Variants in ZNF141 observed in about 807,000 individuals in gnomAD.
ZNF141 encodes the protein zinc finger protein 141, also known as zinc finger protein 141 (clone pHZ-44).
A neutral mutation model predicts 11.3 loss-of-function variants in ZNF141; 7 were observed. The observed-to-expected ratio is 0.62, with a 90% CI of 0.35 to 1.16. ZNF141 has a LOEUF of 1.16. ZNF141 is among the 50% of genes most tolerant of loss of function. The pLI is 0.02. For missense variants in ZNF141, 535 were observed against 554.0 expected (o/e 0.97, Z 0.34); for synonymous variants, 183 against 190.7 (o/e 0.96, Z 0.33).
At position 377,847 on chromosome 4, in the gene ZNF141, T is replaced by G. The variant is rs1712442980; in HGVS notation, c.*3985T>G. 6.6e-6 allele frequency among the ~76,000 whole-genome samples: 1 copy of G among 152,194 alleles called. No individual in the cohort carries two copies. The highest frequency in any genetic ancestry group is 2.4e-5 in the African/African-American group (1 of 41,432). On this transcript the variant is annotated 3_prime_UTR_variant, in exon 4 of 4. Coordinates refer to ENST00000240499, the MANE Select transcript of ZNF141 (RefSeq NM_003441.4). ...GAAGAAACATCAGAATTTTGAAATT[T>G]CTTAAGAGGAAATATATCTTAGAAA...
rs1387954190 is a variant in ZNF141, at chr4:377,469, G to A, written c.*3607G>A. ...TTTTCTTATTTTCTAATTATCTTCAGTTTTGTGATATCTTTATGATTTATC... is the reference window on the plus strand; with the variant it reads ...TTTTCTTATTTTCTAATTATCTTCAATTTTGTGATATCTTTATGATTTATC... On this transcript the variant is annotated 3_prime_UTR_variant, in exon 4 of 4. Coordinates refer to ENST00000240499, the MANE Select transcript of ZNF141 (RefSeq NM_003441.4). 1.3e-5 allele frequency among the ~76,000 whole-genome samples: 2 copies of A among 152,160 alleles called. No individual in the cohort carries two copies. Among genetic ancestry groups the A allele is most frequent in the African/African-American group, 4.8e-5 (2 of 41,424 alleles).
At position 358,950 on chromosome 4, in the gene ZNF141, T is replaced by C. The variant is rs1721983657; in HGVS notation, c.227-13714T>C. 2.0e-5 allele frequency among the ~76,000 whole-genome samples: 3 copies of C among 152,230 alleles called. No homozygotes were observed. In the South Asian group the frequency reaches 6.2e-4, roughly 32 times the overall value. On this transcript the variant is annotated intron_variant, in intron 3 of 3. Coordinates refer to ENST00000240499, the MANE Select transcript of ZNF141 (RefSeq NM_003441.4). Reference sequence around the variant, plus strand: ...TCTAGATCTGTGTTTTATTGTTAGTTGTTCCTGGAGCATTTTTAGTTTCTT... The same window carrying C: ...TCTAGATCTGTGTTTTATTGTTAGTCGTTCCTGGAGCATTTTTAGTTTCTT...
At chr4:361,529 C>T (rs773376929) in intron 3 of ZNF141, among the ~76,000 whole-genome samples, 3 of 152,012 alleles carry the variant, frequency 2.0e-5, no homozygotes, top group Non-Finnish European at 4.4e-5. Context: ...TCCCTCTCCC[C>T]GCCCAACCCC....
In ZNF141 at chr4:344,435, G is replaced by A; in HGVS notation, c.226+5G>A. ...AGATCGTAGCCAGACCCCCAGGTAG[G>A]TGAGAGTGAATGGAGGAGAGGGCAC... is the stretch of plus-strand genomic sequence containing the variant. On this transcript the variant is annotated splice_donor_5th_base_variant and intron_variant, in intron 3 of 3. Transcript: ENST00000240499. The A allele has an allele frequency of 6.2e-7, 1 of 1,603,440 alleles. No individual in the cohort carries two copies. The highest frequency in any genetic ancestry group is 2.2e-5 in the East Asian group (1 of 44,516).
rs59182798 is a variant in ZNF141 at position 365,199 on chromosome 4, T to G, written c.227-7465T>G. On this transcript the variant is annotated intron_variant, in intron 3 of 3. Transcript: ENST00000240499. ...TAAGACCATTGGAAAAACACAGTAT[T>G]TGGGCAGGAGATCCCGATTTTCCAG... is the stretch of plus-strand genomic sequence containing the variant. Among the ~76,000 whole-genome samples, 1,196 of 152,284 alleles carry G rather than the reference T, an allele frequency of 7.9e-3. 18 individuals are homozygous for G. Among genetic ancestry groups the G allele is most frequent in the African/African-American group, 0.027 (1,139 of 41,570 alleles).
In ZNF141 at chr4:343,767, T is replaced by C. The variant is rs1553848929; in HGVS notation, c.4-15T>C. ...AAAAAAAGAACTATGTCCCTTGATA[T>C]ATTTGTATTTTCAGGAACTCTTAAC... On this transcript the variant is annotated splice_polypyrimidine_tract_variant and intron_variant, in intron 1 of 3. Transcript: ENST00000240499. The C allele has an allele frequency of 2.0e-6, 3 of 1,525,868 alleles. No individual in the cohort carries two copies. Among genetic ancestry groups the C allele is most frequent in the South Asian group, 1.2e-5 (1 of 81,600 alleles). The allele number at this position is 1,525,868 out of a possible 1,614,324, so 94.5% of individuals were successfully genotyped here. A position where few individuals can be genotyped will look rare whatever the true frequency, so the allele number is the denominator to read the frequency against.
In ZNF141 at chr4:378,558, G is replaced by A. The variant is rs886927962; in HGVS notation, c.*4696G>A. 9.2e-5 allele frequency among the ~76,000 whole-genome samples: 14 copies of A among 152,060 alleles called. No individual in the cohort carries two copies. The highest frequency in any genetic ancestry group is 1.9e-4 in the African/African-American group (8 of 41,414). On this transcript the variant is annotated 3_prime_UTR_variant, in exon 4 of 4. Coordinates refer to ENST00000240499, the MANE Select transcript of ZNF141 (RefSeq NM_003441.4). ...ACTGGGATTACAGGCATGAGCCACC[G>A]TGCCTGGCCAGAATATTATATCTTT... is the stretch of plus-strand genomic sequence containing the variant.
rs1553853815 is a variant in ZNF141 at position 372,926 on chromosome 4, T to G, written c.489T>G (p.Arg163=). The G allele has an allele frequency of 6.2e-7, 1 of 1,614,046 alleles. No homozygotes were observed. Among genetic ancestry groups the G allele is most frequent in the East Asian group, 2.2e-5 (1 of 44,858 alleles). Residue 163 remains arginine, a synonymous_variant, in exon 4 of 4, where the codon CGT becomes CGG. Coordinates refer to ENST00000240499, the MANE Select transcript of ZNF141 (RefSeq NM_003441.4). Reference sequence around the variant, plus strand: ...GTAAATTTTCAAATTCAAACAAACGTAAGACAAGACATACTGGAGAGAAAC... The same window carrying G: ...GTAAATTTTCAAATTCAAACAAACGGAAGACAAGACATACTGGAGAGAAAC... ...VVSKFSNSNK[R]KTRHTGEKHF...
chr4:356,538 TC>T (rs1220424882), intron 3 of ZNF141, among the ~76,000 whole-genome samples: 1 of 151,864 alleles, frequency 6.6e-6, no homozygotes, highest in Non-Finnish European at 1.5e-5. Flanking sequence ...TGTTTCAATC[TC>T]TTGACCTCGT....
chr4:338,286 G>A (rs1357663351), intron 1 of ZNF141: 2 of 381,622 alleles, frequency 5.2e-6, no homozygotes, highest in Non-Finnish European at 4.9e-6. Flanking sequence ...GGCGTGGGAG[G>A]AGCTGTGGGA....
intron 3 of ZNF141, among the ~76,000 whole-genome samples, chr4:346,602 T>G (rs1208494294): frequency 1.3e-5 from 2 of 152,172 alleles, no homozygotes; most frequent in African/African-American, 4.8e-5. Flanking sequence ...AACTAAAAAT[T>G]TGTGCTCTTG....
At chr4:340,603 T>G (rs184511378) in intron 1 of ZNF141, among the ~76,000 whole-genome samples, 1 of 152,340 alleles carries the variant, frequency 6.6e-6, no homozygotes, top group Non-Finnish European at 1.5e-5. Context: ...AATTCTGAGT[T>G]TATGTCCTGG....
intron 3 of ZNF141, chr4:358,183 CT>C (rs575102486): frequency 0.19 from 54,594 of 294,496 alleles, 42 homozygotes; most frequent in South Asian, 0.25. Flanking sequence ...GTTTCTCGTT[CT>C]TTTTTTTTTT....
At chr4:345,392 A>G (rs1721271750) in intron 3 of ZNF141, among the ~76,000 whole-genome samples, 1 of 152,228 alleles carries the variant, frequency 6.6e-6, no homozygotes, top group Admixed American at 6.5e-5. Context: ...AAATTATAAT[A>G]TAGTTTAAAG....
chr4:354,013 A>G (rs1198505187), intron 3 of ZNF141, among the ~76,000 whole-genome samples: 4 of 152,182 alleles, frequency 2.6e-5, no homozygotes, highest in Non-Finnish European at 5.9e-5. Context: ...AGGGTTTTCC[A>G]CTAATAGGCT....
chr4:338,554 T>A (rs1720901417), intron 1 of ZNF141: 1 of 155,966 alleles, frequency 6.4e-6, no homozygotes, highest in African/African-American at 2.4e-5. Flanking sequence ...GCGTGGCTGT[T>A]CCTGAGTGGC....
In ZNF141 at chr4:374,109, A is replaced by G; in HGVS notation, c.*247A>G. 1 of 523,206 alleles carries G rather than the reference A, an allele frequency of 1.9e-6. No homozygotes were observed. Among genetic ancestry groups the G allele is most frequent in the South Asian group, 2.5e-5 (1 of 39,592 alleles). 32.4% of individuals were successfully genotyped at this position (523,206 alleles called of 1,614,324 possible). On this transcript the variant is annotated 3_prime_UTR_variant, in exon 4 of 4. Coordinates refer to ENST00000240499, the MANE Select transcript of ZNF141 (RefSeq NM_003441.4). The stretch of plus-strand genomic sequence containing the variant: ...CCTGAATGAGCAGAAGAAAATTATT[A>G]CTGGAGATAAACCCTGCAAATGTAA...
chr4:352,460 G>GT (rs781803538), intron 3 of ZNF141, among the ~76,000 whole-genome samples: 1 of 152,164 alleles, frequency 6.6e-6, no homozygotes, highest in Non-Finnish European at 1.5e-5. Context: ...ATTGGAGAAT[G>GT]TTTCACCCTG....
intron 3 of ZNF141, among the ~76,000 whole-genome samples, chr4:345,684 T>C (rs1423724397): frequency 1.4e-5 from 2 of 144,424 alleles, no homozygotes; most frequent in East Asian, 4.0e-4. Flanking sequence ...GCCGAGATTT[T>C]GCCATTGCAC....
Sources: allele counts gnomAD v4.1 joint callset (sites outside exome capture counted in the v4.1 genomes callset), GRCh38; gene constraint gnomAD v4.1.1; transcripts MANE v1.5; gene names NCBI Gene and HGNC (gene_info 2026-07-23, HGNC 2026-07-21).